The following MYO7B variants were observed in gnomAD, a reference collection of about 807,000 sequenced individuals.
The protein encoded by MYO7B is myosin VIIB.
A neutral mutation model predicts 259.7 loss-of-function variants in MYO7B; 212 were observed. The ratio of observed to expected loss-of-function variants is 0.82; its 90% CI spans 0.73 to 0.91. The LOEUF is 0.91. MYO7B is among the 40% of genes least tolerant of loss of function. MYO7B has a pLI of 0.00. For synonymous variants in MYO7B, 1,197 were observed against 1,166.4 expected, an observed-to-expected ratio of 1.03 and a Z score of -0.54; for missense variants, 2,732 against 2,813.5, an observed-to-expected ratio of 0.97 and a Z score of 0.66.
In MYO7B at chr2:127,631,708, A is replaced by C. The variant is rs1168065803; in HGVS notation, c.5204A>C (p.Glu1735Ala). 7 of 1,612,858 alleles carry C rather than the reference A, an allele frequency of 4.3e-6. No homozygotes were observed. The Admixed American group carries it at 5.0e-5, about 12-fold the overall frequency. The part of the protein sequence containing the change: ...LALQHPALQD[E>A]VYCQILKQLT... ...CTGCAGCACCCGGCCCTCCAGGACG[A>C]GGTCTACTGCCAGATCCTGAAGCAG... Residue 1735 changes from glutamate to alanine, a missense_variant, in exon 38 of 48, where the codon GAG (glutamate) becomes GCG (alanine). Coordinates refer to ENST00000409816, the MANE Select transcript of MYO7B (RefSeq NM_001393586.1).
intron 19 of MYO7B, 29 bp from the exon 20 acceptor site, chr2:127,605,815 C>A (rs768685130): frequency 6.2e-7 from 1 of 1,603,850 alleles, no homozygotes; most frequent in South Asian, 1.1e-5. Context: ...GGGATTGTTA[C>A]ATGTGTGTGG....
chr2:127,541,106 C>T (rs1415260860), intron 1 of MYO7B, among the ~76,000 whole-genome samples: 2 of 151,868 alleles, frequency 1.3e-5, no homozygotes, highest in Non-Finnish European at 2.9e-5. Context: ...TGGGCTGTCT[C>T]CACAGTGAAG....
intron 1 of MYO7B, among the ~76,000 whole-genome samples, chr2:127,540,628 AG>A (rs1268226990): frequency 2.0e-5 from 3 of 152,178 alleles, no homozygotes; most frequent in East Asian, 1.9e-4. Flanking sequence ...TCTGGAATGA[AG>A]GGGGGCATCC....
rs1163101424 is a variant in MYO7B at position 127,590,738 on chromosome 2, C to T, written c.1992+509C>T. Among the ~76,000 whole-genome samples the T allele has an allele frequency of 2.0e-5, 3 of 152,222 alleles. No homozygotes were observed. Among genetic ancestry groups the T allele is most frequent in the African/African-American group, 7.2e-5 (3 of 41,458 alleles). On this transcript the variant is annotated intron_variant, in intron 16 of 47. Coordinates refer to ENST00000409816, the MANE Select transcript of MYO7B (RefSeq NM_001393586.1). The surrounding 1 kb of genome is among the most constrained non-coding windows in gnomAD (Gnocchi z 4.6). ...CCACACTCCCTGCCCACAACGGAGT[C>T]CCTGCTCCATTGGGTGGGGAGTCCC... is the stretch of plus-strand genomic sequence containing the variant.
At chr2:127,573,866 A>G (rs1274962158) in intron 6 of MYO7B, 54 bp from the exon 7 acceptor site, 1 of 1,605,456 alleles carries the variant, frequency 6.2e-7, no homozygotes, top group African/African-American at 1.3e-5. Flanking sequence ...ATCCCACTCA[A>G]ATTACATTTT....
chr2:127,612,359 G>A lies in MYO7B; in HGVS notation c.3270+32G>A, dbSNP rs762186303. The A allele has an allele frequency of 5.1e-5, 73 of 1,429,708 alleles. 1 individual carries two copies. The Middle Eastern group carries it at 1.9e-3, about 37-fold the overall frequency. The allele number at this position is 1,429,708 out of a possible 1,614,324, so 88.6% of individuals were successfully genotyped here. ...CCAGAGCACAGAATCTCTGCTCCCA[G>A]CTGCTGCTGGCCTGCTACAGGGTTC... is the stretch of plus-strand genomic sequence containing the variant. On this transcript the variant is annotated intron_variant, in intron 25 of 47. Transcript: ENST00000409816.
chr2:127,580,924 C>CA (rs140559671), intron 10 of MYO7B, 102 bp downstream of exon 10: 14,005 of 1,180,230 alleles, frequency 0.012, 268 homozygotes, highest in African/African-American at 0.078. Flanking sequence ...CCCAGGCCCC[C>CA]ACCCCTTTCC....
At chr2:127,621,679 A>C (rs998063082) in intron 27 of MYO7B, among the ~76,000 whole-genome samples, 2 of 152,310 alleles carry the variant, frequency 1.3e-5, no homozygotes, top group South Asian at 2.1e-4. Flanking sequence ...TTTAGAGTCC[A>C]TCTTCCAGTC....
intron 39 of MYO7B, 97 bp downstream of exon 39, chr2:127,632,498 G>A: frequency 7.0e-7 from 1 of 1,428,894 alleles, no homozygotes; most frequent in Non-Finnish European, 9.3e-7. Context: ...CATGGTCCTG[G>A]GAGGACTCTC....
At chr2:127,604,868 T>C (rs1680106183) in intron 19 of MYO7B, among the ~76,000 whole-genome samples, 1 of 152,272 alleles carries the variant, frequency 6.6e-6, no homozygotes, top group Middle Eastern at 3.4e-3. Flanking sequence ...CAATTCCAAT[T>C]GTAACACTAA....
chr2:127,568,768 A>G (rs930607189), intron 5 of MYO7B, among the ~76,000 whole-genome samples: 7 of 151,780 alleles, frequency 4.6e-5, no homozygotes, highest in African/African-American at 1.5e-4. Context: ...TTGGTGGCCG[A>G]CGCCTGTAAT....
rs1681234547 is a variant in MYO7B, at chr2:127,627,899, G to T, written c.4461-473G>T. 2.2e-6 allele frequency: 1 copy of T among 459,262 alleles called. No homozygotes were observed. The highest frequency in any genetic ancestry group is 4.4e-6 in the Non-Finnish European group (1 of 228,956). The allele number at this position is 459,262 out of a possible 1,614,324, so 28.4% of individuals were successfully genotyped here. On this transcript the variant is annotated intron_variant, in intron 33 of 47. Transcript: ENST00000409816. This position sits in a 1 kb window ranked among gnomAD's most constrained non-coding sequence, Gnocchi z 5.6. ...CTCTGGGCTGTGCCAGGTGTACAGT[G>T]GCCACCACTCCCCACTGGCCACCTC... is the stretch of plus-strand genomic sequence containing the variant.
chr2:127,631,573 C>G (rs202122578), intron 37 of MYO7B, 27 bp from the exon 38 acceptor site: 30 of 1,610,896 alleles, frequency 1.9e-5, no homozygotes, highest in Non-Finnish European at 2.5e-5. Context: ...GGGGCTGCCC[C>G]AGCACTGTGC....
chr2:127,602,842 T>C (rs992633115), intron 19 of MYO7B, among the ~76,000 whole-genome samples: 1 of 151,852 alleles, frequency 6.6e-6, no homozygotes, highest in Non-Finnish European at 1.5e-5. Context: ...CTACTAAAAA[T>C]ACAAAAAATT....
At position 127,627,303 on chromosome 2, in the gene MYO7B, A is replaced by G. The variant is rs1681186759; in HGVS notation, c.4453A>G (p.Thr1485Ala). Residue 1485 changes from threonine to alanine, a missense_variant, in exon 33 of 48, where the codon ACC becomes GCC. Transcript: ENST00000409816. The surrounding 1 kb of genome is among the most constrained non-coding windows in gnomAD (Gnocchi z 5.6). ...LSFPEVMGLA[T>A]NREAQGGQRL... Reference sequence around the variant, plus strand: ...TTTCCCAGAGGTCATGGGTCTGGCCACCAACAGGTGCGGGCCCTGAGGGAA... The same window carrying G: ...TTTCCCAGAGGTCATGGGTCTGGCCGCCAACAGGTGCGGGCCCTGAGGGAA... 5 of 1,612,666 alleles carry G rather than the reference A, an allele frequency of 3.1e-6. No individual in the cohort carries two copies. The East Asian group carries it at 6.7e-5, about 22-fold the overall frequency.
intron 18 of MYO7B, among the ~76,000 whole-genome samples, chr2:127,594,667 T>C (rs1679696458): frequency 6.6e-6 from 1 of 151,992 alleles, no homozygotes; most frequent in South Asian, 2.1e-4. Context: ...TTATTGAGAG[T>C]TTTTTTTAAC....
chr2:127,632,155 C>T, intron 38 of MYO7B, 91 bp from the exon 39 acceptor site: 1 of 1,438,802 alleles, frequency 7.0e-7, no homozygotes. Context: ...AGACCCCAGG[C>T]AGCTCTCACA....
Position 127,576,413 on chromosome 2 carries a change from G to A in MYO7B, c.736-182G>A, listed in dbSNP as rs116173864. On this transcript the variant is annotated intron_variant, in intron 7 of 47. Transcript: ENST00000409816. The surrounding 1 kb of genome is among the most constrained non-coding windows in gnomAD (Gnocchi z 4.9). ...TTCTCAGGGCAGGGATGAGACAGCC[G>A]CGGAGGCCCGGGACAGGGACAGCAA... Among the ~76,000 whole-genome samples the A allele has an allele frequency of 6.8e-3, 1,035 of 152,250 alleles. 14 individuals are homozygous for A. Among genetic ancestry groups the A allele is most frequent in the African/African-American group, 0.023 (949 of 41,552 alleles).
chr2:127,564,338 T>C, intron 3 of MYO7B, 72 bp downstream of exon 3: 1 of 1,249,454 alleles, frequency 8.0e-7, no homozygotes, highest in Middle Eastern at 2.2e-4. Flanking sequence ...CTCCCCGCCC[T>C]GTGGAGCCTC....
Sources: gnomAD v4.1 joint callset for allele counts (sites outside exome capture counted in the v4.1 genomes callset) on GRCh38, gnomAD v4.1.1 for gene constraint, Gnocchi (gnomAD v3.1) non-coding constraint, MANE v1.5 for transcripts, NCBI Gene and HGNC (gene_info 2026-07-23, HGNC 2026-07-21) for gene names.